The following FGL1 variants were observed in gnomAD, a reference collection of about 807,000 sequenced individuals.
FGL1 encodes the protein fibrinogen-like protein 1.
FGL1 carries 59 observed loss-of-function variants against 43.7 expected under a neutral mutation model. The ratio of observed to expected loss-of-function variants is 1.35; its 90% CI spans 1.10 to 1.68. FGL1 has a LOEUF of 1.68. FGL1 is among the 40% of genes most tolerant of loss of function. The pLI is 0.00. For synonymous variants in FGL1, 192 were observed against 126.5 expected (o/e 1.52, Z -3.48); for missense variants, 596 against 373.0 (o/e 1.60, Z -4.92).
At chr8:17,894,565 CAT>C in intron 1 of FGL1, among the ~76,000 whole-genome samples, 1 of 146,820 alleles carries the variant, frequency 6.8e-6, no homozygotes, top group Non-Finnish European at 1.5e-5. Context: ...TGAAAATTGT[CAT>C]ATAGTCCATT....
chr8:17,867,976 C>T lies in FGL1; in HGVS notation c.779+572G>A, dbSNP rs34001903. Among the ~76,000 whole-genome samples, 546 of 152,246 alleles carry T rather than the reference C, an allele frequency of 3.6e-3. 3 individuals carry two copies. The highest frequency in any genetic ancestry group is 0.012 in the African/African-American group (506 of 41,532). ...TATTTTGTATCAGTAAAAAAAGAAGCAACTATATACAATCAAAAACGGAAT... is the reference window on the plus strand; with the variant it reads ...TATTTTGTATCAGTAAAAAAAGAAGTAACTATATACAATCAAAAACGGAAT... On this transcript the variant is annotated intron_variant, in intron 7 of 7. Coordinates refer to ENST00000427924, the MANE Select transcript of FGL1 (RefSeq NM_004467.4).
chr8:17,868,362 T>C, intron 7 of FGL1, 186 bp downstream of exon 7: 2 of 415,370 alleles, frequency 4.8e-6, no homozygotes, highest in Non-Finnish European at 8.3e-6. Flanking sequence ...TACACTTTAC[T>C]AATGTACACA....
At chr8:17,871,496 A>C (rs1241967640) in intron 5 of FGL1, among the ~76,000 whole-genome samples, 2 of 151,030 alleles carry the variant, frequency 1.3e-5, no homozygotes, top group Admixed American at 6.6e-5. Context: ...TGTCTCAAAA[A>C]AAAAAACAAA....
chr8:17,867,594 C>A (rs2053289165), intron 7 of FGL1, among the ~76,000 whole-genome samples: 1 of 152,146 alleles, frequency 6.6e-6, no homozygotes, highest in Non-Finnish European at 1.5e-5. Context: ...ATTATTAAAT[C>A]AAATAAGCAT....
intron 1 of FGL1, among the ~76,000 whole-genome samples, chr8:17,889,323 G>C (rs1302419075): frequency 6.6e-6 from 1 of 152,210 alleles, no homozygotes; most frequent in Non-Finnish European, 1.5e-5. Flanking sequence ...GACGAAGTGG[G>C]AGGATCGCCA....
intron 2 of FGL1, among the ~76,000 whole-genome samples, chr8:17,885,247 A>T (rs1181791971): frequency 6.6e-6 from 1 of 151,882 alleles, no homozygotes; most frequent in African/African-American, 2.4e-5. Flanking sequence ...GTTTCACCAT[A>T]TTGGCCAGGC....
intron 5 of FGL1, among the ~76,000 whole-genome samples, chr8:17,870,710 A>G (rs1410942067): frequency 6.6e-6 from 1 of 152,208 alleles, no homozygotes; most frequent in East Asian, 1.9e-4. Flanking sequence ...GATCGAGACC[A>G]TCCTGGCCAA....
At chr8:17,873,699 C>T (rs539084738) in intron 5 of FGL1, among the ~76,000 whole-genome samples, 9 of 67,006 alleles carry the variant, frequency 1.3e-4, no homozygotes, top group African/African-American at 2.4e-4. Flanking sequence ...ATACATATAG[C>T]GACTTATATT....
chr8:17,873,257 A>C (rs1326513172), intron 5 of FGL1, among the ~76,000 whole-genome samples: 1 of 152,114 alleles, frequency 6.6e-6, no homozygotes, highest in African/African-American at 2.4e-5. Flanking sequence ...CTGGGCCTAG[A>C]TCTCAAGAGA....
At chr8:17,876,933 T>C (rs576512652) in intron 3 of FGL1, among the ~76,000 whole-genome samples, 58 of 152,226 alleles carry the variant, frequency 3.8e-4, no homozygotes, top group African/African-American at 1.2e-3. Context: ...CAAACACAAC[T>C]TAAGAAAAGC....
chr8:17,867,519 CTAA>C (rs2053287662), intron 7 of FGL1, among the ~76,000 whole-genome samples: 2 of 152,184 alleles, frequency 1.3e-5, no homozygotes, highest in Non-Finnish European at 2.9e-5. Context: ...TTAACAACAA[CTAA>C]TAATAAAAGA....
At chr8:17,895,117 C>T (rs1265967418) in intron 1 of FGL1, 2 of 219,334 alleles carry the variant, frequency 9.1e-6, no homozygotes, top group Non-Finnish European at 1.6e-5. Context: ...TGTAATTATA[C>T]ATATTTAGAA....
chr8:17,889,074 A>G (rs1015528105), intron 1 of FGL1, among the ~76,000 whole-genome samples: 1 of 152,324 alleles, frequency 6.6e-6, no homozygotes, highest in East Asian at 1.9e-4. Context: ...CTGGGGCATT[A>G]TATAAAAATG....
chr8:17,866,017 A>G (rs958672903), intron 7 of FGL1, among the ~76,000 whole-genome samples: 33 of 152,242 alleles, frequency 2.2e-4, no homozygotes, highest in Non-Finnish European at 2.9e-4. Context: ...CATGGAAAGT[A>G]ATGTTAAAAA....
intron 5 of FGL1, among the ~76,000 whole-genome samples, chr8:17,869,935 C>T (rs1304046570): frequency 6.6e-6 from 1 of 152,058 alleles, no homozygotes; most frequent in African/African-American, 2.4e-5. Context: ...CTGTGAAACC[C>T]CGTCTCTACT....
At chr8:17,891,943 C>T in intron 1 of FGL1, 1 of 235,114 alleles carries the variant, frequency 4.3e-6, no homozygotes, top group Non-Finnish European at 6.9e-6. Context: ...TTATAAAATC[C>T]CAAAAGAAAA....
intron 3 of FGL1, among the ~76,000 whole-genome samples, chr8:17,875,417 G>A (rs2053429458): frequency 1.3e-5 from 2 of 151,708 alleles, no homozygotes; most frequent in African/African-American, 4.8e-5. Context: ...ATTCTTTTTT[G>A]CTGTGGTATT....
intron 7 of FGL1, among the ~76,000 whole-genome samples, chr8:17,866,317 G>T (rs1185300952): frequency 6.6e-6 from 1 of 151,086 alleles, no homozygotes; most frequent in African/African-American, 2.4e-5. Flanking sequence ...ACAAAGAAAA[G>T]ACATCAACTC....
intron 3 of FGL1, among the ~76,000 whole-genome samples, chr8:17,879,475 C>T (rs1394200042): frequency 6.6e-6 from 1 of 152,066 alleles, no homozygotes; most frequent in East Asian, 1.9e-4. Context: ...GCGATTGGCT[C>T]ATGGGGGTGG....
Sources: gnomAD v4.1 joint callset for allele counts (sites outside exome capture counted in the v4.1 genomes callset) on GRCh38, gnomAD v4.1.1 for gene constraint, MANE v1.5 for transcripts, NCBI Gene and HGNC (gene_info 2026-07-23, HGNC 2026-07-21) for gene names.